The following NPLOC4 variants were observed in gnomAD, a reference collection of about 807,000 sequenced individuals.
NPLOC4 encodes the protein NPL4 homolog, ubiquitin recognition factor, also known as nuclear protein localization protein 4 homolog.
NPLOC4 carries 18 observed loss-of-function variants against 80.6 expected under a neutral mutation model. The observed-to-expected ratio is 0.22, with a 90% CI of 0.15 to 0.33. The LOEUF (loss-of-function observed/expected upper bound fraction) is 0.33. Ranked by LOEUF, NPLOC4 falls within the 10% of genes least tolerant of loss-of-function variation. The pLI is 1.00. For missense variants in NPLOC4, 540 were observed against 786.1 expected (o/e 0.69, Z 3.74); for synonymous variants, 313 against 301.5 (o/e 1.04, Z -0.39).
chr17:81,621,834 G>A (rs918672459), intron 3 of NPLOC4, among the ~76,000 whole-genome samples: 7 of 152,132 alleles, frequency 4.6e-5, no homozygotes, highest in Non-Finnish European at 7.4e-5. Context: ...ATGATTTCCC[G>A]GCACACAGCT....
chr17:81,631,913 C>CCT, intron 1 of NPLOC4, among the ~76,000 whole-genome samples: 1 of 151,786 alleles, frequency 6.6e-6, no homozygotes, highest in South Asian at 2.1e-4. Context: ...GATTCTCCTG[C>CCT]CTCAGCCTCC....
At chr17:81,570,946 G>C (rs935486262) in intron 13 of NPLOC4, among the ~76,000 whole-genome samples, 1 of 151,458 alleles carries the variant, frequency 6.6e-6, no homozygotes, top group East Asian at 1.9e-4. Context: ...TAAAAGAAGA[G>C]GAAAGAAGTG....
At chr17:81,618,757 T>C (rs914293938) in intron 3 of NPLOC4, among the ~76,000 whole-genome samples, 28 of 151,648 alleles carry the variant, frequency 1.8e-4, no homozygotes, top group Non-Finnish European at 2.9e-4. Flanking sequence ...TTTTGTGGAA[T>C]AGAAAAGGGG....
In NPLOC4 at chr17:81,565,491, G is replaced by T. The variant is rs1305321971; in HGVS notation, c.1669+14C>A. ...CAGCCACGGGGTGCCGGGGCAGGGG[G>T]TGGGGGTACTCACTGCACAGCTGCT... is the stretch of plus-strand genomic sequence containing the variant. On this transcript the variant is annotated intron_variant, in intron 16 of 16. Coordinates refer to ENST00000331134, the MANE Select transcript of NPLOC4 (RefSeq NM_017921.4). The T allele has an allele frequency of 6.5e-7, 1 of 1,539,494 alleles. No homozygotes were observed. Among genetic ancestry groups the T allele is most frequent in the Non-Finnish European group, 8.8e-7 (1 of 1,142,302 alleles).
intron 16 of NPLOC4, chr17:81,563,846 C>T (rs2033925180): frequency 2.3e-6 from 1 of 442,054 alleles, no homozygotes; most frequent in African/African-American, 2.0e-5. Context: ...TCTAAGCAAA[C>T]TAATGCAGGA....
At chr17:81,627,985 G>A (rs549219526) in intron 2 of NPLOC4, among the ~76,000 whole-genome samples, 7 of 151,960 alleles carry the variant, frequency 4.6e-5, no homozygotes, top group African/African-American at 1.7e-4. Flanking sequence ...GGCCAAGGCG[G>A]GCAGATCACG....
chr17:81,561,998 C>G (rs760148210), intron 16 of NPLOC4: 3 of 152,266 alleles, frequency 2.0e-5, no homozygotes, highest in Non-Finnish European at 4.4e-5. Context: ...CTTTGGGAGA[C>G]CGAGGCAGGT....
At chr17:81,585,910 G>GCC (rs2034571530) in intron 12 of NPLOC4, among the ~76,000 whole-genome samples, 2 of 151,944 alleles carry the variant, frequency 1.3e-5, no homozygotes, top group Non-Finnish European at 2.9e-5. Context: ...GATCACTTGA[G>GCC]CCCAGGAGGC....
intron 5 of NPLOC4, 92 bp downstream of exon 5, chr17:81,610,118 C>A: frequency 1.7e-6 from 2 of 1,156,030 alleles, no homozygotes; most frequent in South Asian, 1.3e-5. Flanking sequence ...CTCACTACAG[C>A]CAAGTGCGTG....
rs1555680405 is a variant in NPLOC4 at position 81,581,375 on chromosome 17, A to AAAAAAAAAAAAAAAAAAAGTC, written c.1281+7568_1281+7569insGACTTTTTTTTTTTTTTTTTT. Among the ~76,000 whole-genome samples, 43 of 72,860 alleles carry AAAAAAAAAAAAAAAAAAAGTC rather than the reference A, an allele frequency of 5.9e-4. 15 individuals carry two copies. Among genetic ancestry groups the AAAAAAAAAAAAAAAAAAAGTC allele is most frequent in the Non-Finnish European group, 1.1e-3 (39 of 34,992 alleles). 47.8% of individuals were successfully genotyped at this position (72,860 alleles called of 152,430 possible). Reference sequence around the variant, plus strand: ...AAAAAAAAAAAAAAAAAAAAAAAAAAAGTTAATAAAATCACCATGTCACAA... The same window carrying AAAAAAAAAAAAAAAAAAAGTC: ...AAAAAAAAAAAAAAAAAAAAAAAAAAAAAAAAAAAAAAAAAAAAGTCAGTTAATAAAATCACCATGTCACAA... On this transcript the variant is annotated intron_variant, in intron 12 of 16. Coordinates refer to ENST00000331134, the MANE Select transcript of NPLOC4 (RefSeq NM_017921.4).
intron 11 of NPLOC4, 98 bp from the exon 12 acceptor site, chr17:81,589,202 C>A (rs1422087690): frequency 2.3e-5 from 25 of 1,107,722 alleles, no homozygotes; most frequent in Non-Finnish European, 3.0e-5. Context: ...AAAAAACAAA[C>A]CCTCAAGAGT....
chr17:81,587,674 G>GTTTTTTTTTT lies in NPLOC4; in HGVS notation c.1281+1260_1281+1269dup, dbSNP rs34643456. ...GAAAAAAGAAACAAAGAAAAAAGTT[G>GTTTTTTTTTT]TTTTTTTTTTTTTTTTTGAGACAGA... On this transcript the variant is annotated intron_variant, in intron 12 of 16. Coordinates refer to ENST00000331134, the MANE Select transcript of NPLOC4 (RefSeq NM_017921.4). Among the ~76,000 whole-genome samples, 124 of 93,416 alleles carry GTTTTTTTTTT rather than the reference G, an allele frequency of 1.3e-3. 1 individual carries two copies. The highest frequency in any genetic ancestry group is 5.2e-3 in the African/African-American group (120 of 23,022). The allele number at this position is 93,416 out of a possible 152,430, so 61.3% of individuals were successfully genotyped here.
At chr17:81,635,847 G>A (rs890833486) in intron 1 of NPLOC4, among the ~76,000 whole-genome samples, 1 of 152,144 alleles carries the variant, frequency 6.6e-6, no homozygotes, top group Admixed American at 6.6e-5. Flanking sequence ...AAATGCTCCT[G>A]TCCAATGGTC....
At chr17:81,619,295 T>C (rs1391062039) in intron 3 of NPLOC4, among the ~76,000 whole-genome samples, 13 of 151,624 alleles carry the variant, frequency 8.6e-5, no homozygotes, top group Non-Finnish European at 1.9e-4. Flanking sequence ...GAGAATGGCA[T>C]GAACCCGGGA....
chr17:81,585,170 C>CAAAAA lies in NPLOC4; in HGVS notation c.1281+3769_1281+3773dup, dbSNP rs35473939. On this transcript the variant is annotated intron_variant, in intron 12 of 16. Coordinates refer to ENST00000331134, the MANE Select transcript of NPLOC4 (RefSeq NM_017921.4). Reference sequence around the variant, plus strand: ...GGGCGACAGAACGAGACTCTGTCGCCAAAAAAAAAAAAAAAAAAAAAAAAA... The same window carrying CAAAAA: ...GGGCGACAGAACGAGACTCTGTCGCCAAAAAAAAAAAAAAAAAAAAAAAAAAAAAA... 5.3e-3 allele frequency among the ~76,000 whole-genome samples: 217 copies of CAAAAA among 40,858 alleles called. 24 individuals are homozygous for CAAAAA. The highest frequency in any genetic ancestry group is 9.9e-3 in the South Asian group (5 of 504). 26.8% of individuals were successfully genotyped at this position (40,858 alleles called of 152,430 possible).
At chr17:81,595,672 G>A (rs938406641) in intron 11 of NPLOC4, among the ~76,000 whole-genome samples, 4 of 151,728 alleles carry the variant, frequency 2.6e-5, no homozygotes, top group African/African-American at 9.7e-5. Context: ...AGCTCCTTGA[G>A]TAGCTGGGAT....
At chr17:81,608,466 T>G (rs1007019907) in intron 6 of NPLOC4, among the ~76,000 whole-genome samples, 1 of 152,112 alleles carries the variant, frequency 6.6e-6, no homozygotes, top group Non-Finnish European at 1.5e-5. Flanking sequence ...ATCCAGCACT[T>G]TGGGGAAACC....
intron 11 of NPLOC4, among the ~76,000 whole-genome samples, chr17:81,592,002 C>T (rs1018770928): frequency 2.6e-5 from 4 of 152,210 alleles, no homozygotes; most frequent in African/African-American, 4.8e-5. Context: ...CAGGGTCACT[C>T]GAGCAAAGCG....
intron 4 of NPLOC4, among the ~76,000 whole-genome samples, chr17:81,612,254 C>G (rs1027161970): frequency 3.3e-5 from 5 of 152,112 alleles, no homozygotes; most frequent in Admixed American, 1.3e-4. Flanking sequence ...TAAGTGGGGT[C>G]AGAATTCTTA....
Sources: gnomAD v4.1 joint callset for allele counts (sites outside exome capture counted in the v4.1 genomes callset) on GRCh38, gnomAD v4.1.1 for gene constraint, MANE v1.5 for transcripts, NCBI Gene and HGNC (gene_info 2026-07-23, HGNC 2026-07-21) for gene names.